The following PDE11A variants were observed in gnomAD, a reference collection of about 807,000 sequenced individuals.
PDE11A encodes the protein dual 3',5'-cyclic-AMP and -GMP phosphodiesterase 11A.
Under a neutral mutation model 100.5 loss-of-function variants are expected in PDE11A, and 100 were observed. That is an observed-to-expected ratio of 1.00 (90% CI 0.85 to 1.18). The LOEUF (loss-of-function observed/expected upper bound fraction) is 1.18, where lower values mean the gene tolerates loss of function less well. PDE11A is among the 50% of genes most tolerant of loss of function. PDE11A has a pLI of 0.00. For synonymous variants in PDE11A, 381 were observed against 420.8 expected, an observed-to-expected ratio of 0.91 and a Z score of 1.16; for missense variants, 1,141 against 1,152.6, an observed-to-expected ratio of 0.99 and a Z score of 0.15.
intron 1 of PDE11A, among the ~76,000 whole-genome samples, chr2:178,039,684 T>G (rs2105847949): frequency 6.6e-6 from 1 of 151,362 alleles, no homozygotes; most frequent in East Asian, 1.9e-4. Flanking sequence ...AAAAATAAAA[T>G]AAAATAAAAT....
In PDE11A at chr2:178,105,192, T is replaced by C. The variant is rs566888892; in HGVS notation, c.-13-716A>G. 7.2e-5 allele frequency among the ~76,000 whole-genome samples: 11 copies of C among 152,330 alleles called. No homozygotes were observed. The South Asian group carries it at 1.7e-3, about 23-fold the overall frequency. ...AAAGACCCTACTGGGTTGGGTGCGGTGGCTCATGTCTGTAATCCCAGCACT... is the reference window on the plus strand; with the variant it reads ...AAAGACCCTACTGGGTTGGGTGCGGCGGCTCATGTCTGTAATCCCAGCACT... On this transcript the variant is annotated intron_variant, in intron 1 of 20. Transcript: ENST00000358450.
intron 19 of PDE11A, among the ~76,000 whole-genome samples, chr2:177,639,702 C>T (rs1305326657): frequency 1.3e-5 from 2 of 152,172 alleles, no homozygotes; most frequent in African/African-American, 2.4e-5. Flanking sequence ...TCTCTGCCAT[C>T]GTGGTCCACA....
chr2:177,774,858 A>G (rs2082357569), intron 9 of PDE11A, among the ~76,000 whole-genome samples: 1 of 152,196 alleles, frequency 6.6e-6, no homozygotes, highest in Non-Finnish European at 1.5e-5. Flanking sequence ...TGTGTATATG[A>G]TATGTCACAA....
intron 2 of PDE11A, among the ~76,000 whole-genome samples, chr2:177,969,256 C>G (rs923369717): frequency 6.6e-6 from 1 of 151,846 alleles, no homozygotes; most frequent in African/African-American, 2.4e-5. Flanking sequence ...CATCACACAC[C>G]GGTCCTGTCG....
intron 1 of PDE11A, chr2:178,104,483 T>A (rs1559073051): frequency 6.2e-7 from 1 of 1,613,072 alleles, no homozygotes. Flanking sequence ...TGCTCTGCAA[T>A]GGAACATTAA....
At chr2:177,695,976 C>T (rs912601475) in intron 15 of PDE11A, among the ~76,000 whole-genome samples, 1 of 151,972 alleles carries the variant, frequency 6.6e-6, no homozygotes, top group Non-Finnish European at 1.5e-5. Flanking sequence ...GAACAGGATT[C>T]GATGTGGGAA....
chr2:177,732,178 T>A (rs920135465), intron 10 of PDE11A, among the ~76,000 whole-genome samples: 2 of 152,138 alleles, frequency 1.3e-5, no homozygotes, highest in Non-Finnish European at 2.9e-5. Context: ...CCCTGTGGGT[T>A]CACTTGTGCC....
intron 2 of PDE11A, among the ~76,000 whole-genome samples, chr2:178,090,598 T>G (rs1289793622): frequency 6.6e-6 from 1 of 152,162 alleles, no homozygotes; most frequent in African/African-American, 2.4e-5. Context: ...ACCAAGTTCA[T>G]CCATCAGGGT....
chr2:177,724,068 T>G (rs1267564880), intron 12 of PDE11A, among the ~76,000 whole-genome samples: 1 of 152,126 alleles, frequency 6.6e-6, no homozygotes, highest in Admixed American at 6.6e-5. Context: ...CATCTGCAGG[T>G]TTTCTTCCTC....
chr2:177,758,296 CAAAAAAAAAA>C (rs78765770), intron 10 of PDE11A, among the ~76,000 whole-genome samples: 3 of 65,008 alleles, frequency 4.6e-5, no homozygotes, highest in African/African-American at 1.1e-4. Flanking sequence ...GACTCCGTCT[CAAAAAAAAAA>C]AAAAAAAAAA....
chr2:177,868,640 A>G (rs367988839), intron 5 of PDE11A, among the ~76,000 whole-genome samples: 5 of 152,308 alleles, frequency 3.3e-5, no homozygotes, highest in African/African-American at 1.2e-4. Flanking sequence ...GTCAGTGTTC[A>G]CAGATCTTAT....
At chr2:178,070,865 AG>A (rs2087117678) in intron 1 of PDE11A, among the ~76,000 whole-genome samples, 1 of 152,240 alleles carries the variant, frequency 6.6e-6, no homozygotes, top group African/African-American at 2.4e-5. Context: ...TTGAGCCTAA[AG>A]ATAACTAGCC....
At chr2:177,997,674 A>G in intron 2 of PDE11A, 3 of 1,551,756 alleles carry the variant, frequency 1.9e-6, no homozygotes, top group Non-Finnish European at 2.7e-6. Flanking sequence ...GTTTTTCTGC[A>G]TTCAGTTTGG....
chr2:178,072,864 G>A, upstream of PDE11A: 1 of 1,149,820 alleles, frequency 8.7e-7, no homozygotes, highest in Non-Finnish European at 1.1e-6. Context: ...AGAAGAGGAG[G>A]GAGCCGCGGA....
At chr2:177,696,816 G>A (rs2081118393) in intron 15 of PDE11A, among the ~76,000 whole-genome samples, 1 of 152,176 alleles carries the variant, frequency 6.6e-6, no homozygotes, top group African/African-American at 2.4e-5. Flanking sequence ...GCGCCTGATA[G>A]AGCAGGTCCC....
intron 2 of PDE11A, chr2:177,998,494 C>T (rs1318014761): frequency 2.7e-5 from 37 of 1,380,078 alleles, no homozygotes; most frequent in Non-Finnish European, 3.7e-5. Flanking sequence ...GGAAGATTTT[C>T]TCCAGTGGTA....
At chr2:177,634,408 A>G (rs1195557386) in intron 19 of PDE11A, among the ~76,000 whole-genome samples, 79 of 113,578 alleles carry the variant, frequency 7.0e-4, no homozygotes, top group Non-Finnish European at 8.4e-4. Flanking sequence ...TTTTTTTGTG[A>G]GAAGGAGTCT....
chr2:177,717,422 C>T (rs76876294), intron 12 of PDE11A, among the ~76,000 whole-genome samples: 12,734 of 151,892 alleles, frequency 0.084, 730 homozygotes, highest in East Asian at 0.23. Flanking sequence ...AACAGAGAGG[C>T]GGCAGGAAGT....
At chr2:177,752,816 T>G (rs1008564779) in intron 10 of PDE11A, among the ~76,000 whole-genome samples, 14 of 152,200 alleles carry the variant, frequency 9.2e-5, no homozygotes, top group African/African-American at 3.1e-4. Context: ...CCATTAGAGG[T>G]TCACAGGAAT....
Sources: gnomAD v4.1 joint callset for allele counts (sites outside exome capture counted in the v4.1 genomes callset) on GRCh38, gnomAD v4.1.1 for gene constraint, MANE v1.5 for transcripts, NCBI Gene and HGNC (gene_info 2026-07-23, HGNC 2026-07-21) for gene names.